The following MKKS variants were observed in gnomAD, a reference collection of about 807,000 sequenced individuals.
MKKS encodes the protein MKKS centrosomal shuttling protein.
A neutral mutation model predicts 33.2 loss-of-function variants in MKKS; 29 were observed. The ratio of observed to expected loss-of-function variants is 0.87; its 90% CI spans 0.65 to 1.19. MKKS has a LOEUF of 1.19. Among genes scored for constraint, MKKS ranks in the 50% most tolerant of loss-of-function variants. The pLI, the probability that MKKS is intolerant of heterozygous loss-of-function variation, is 0.00. For missense variants in MKKS, 661 were observed against 662.3 expected (o/e 1.00, Z 0.02); for synonymous variants, 260 against 244.0 (o/e 1.07, Z -0.61).
rs1199827247 is a variant in MKKS at position 10,420,642 on chromosome 20, G to A, written c.-532C>T. The A allele has an allele frequency of 6.6e-6, 1 of 152,144 alleles. No homozygotes were observed. The highest frequency in any genetic ancestry group is 2.1e-4 in the South Asian group (1 of 4,834). 9.4% of individuals were successfully genotyped at this position (152,144 alleles called of 1,614,324 possible). A position where few individuals can be genotyped will look rare whatever the true frequency, so the allele number is the denominator to read the frequency against. ...TTTTAGGTATTTGGAAAACAGGGCT[G>A]CTTTTGATTCTGTACCACCCCAAAT... On this transcript the variant is annotated 5_prime_UTR_variant, in exon 2 of 6. It introduces an in-frame stop codon into an upstream open reading frame of the 5' UTR. Coordinates refer to ENST00000347364, the MANE Select transcript of MKKS (RefSeq NM_170784.3).
intron 1 of MKKS, among the ~76,000 whole-genome samples, chr20:10,423,006 C>T (rs1024624132): frequency 2.6e-5 from 4 of 152,194 alleles, no homozygotes; most frequent in East Asian, 1.9e-4. Flanking sequence ...CCACTGCGCC[C>T]GGCCCTTCAA....
chr20:10,407,598 G>C lies in MKKS; in HGVS notation c.1272+18C>G. ...TTGCTGAGAATTCAGGTAATCCGAA[G>C]AGGATTATCTTACATACCTTGTGTC... is the stretch of plus-strand genomic sequence containing the variant. On this transcript the variant is annotated intron_variant, in intron 5 of 5. Coordinates refer to ENST00000347364, the MANE Select transcript of MKKS (RefSeq NM_170784.3). 1 of 1,590,570 alleles carries C rather than the reference G, an allele frequency of 6.3e-7. No individual in the cohort carries two copies. The highest frequency in any genetic ancestry group is 1.1e-5 in the South Asian group (1 of 90,396).
chr20:10,430,113 G>C (rs2065044409), intron 1 of MKKS, among the ~76,000 whole-genome samples: 1 of 152,188 alleles, frequency 6.6e-6, no homozygotes, highest in Admixed American at 6.5e-5. Flanking sequence ...TTTTTGACTA[G>C]AGTGAAATCT....
At chr20:10,433,362 A>G (rs974691226) in intron 1 of MKKS, among the ~76,000 whole-genome samples, 2 of 152,236 alleles carry the variant, frequency 1.3e-5, no homozygotes, top group African/African-American at 4.8e-5. Context: ...ACTCATGGAT[A>G]GGGAGCGTAT....
chr20:10,410,776 G>GAGAT (rs149605072), intron 3 of MKKS, among the ~76,000 whole-genome samples: 2,037 of 152,222 alleles, frequency 0.013, 46 homozygotes, highest in African/African-American at 0.046. Flanking sequence ...ATTACCAGGG[G>GAGAT]AGATAGGTAA....
rs183175503 is a variant in MKKS at position 10,412,618 on chromosome 20, T to C, written c.897A>G (p.Pro299=). The stretch of plus-strand genomic sequence containing the variant: ...GCATATTGAGAAACTGCTTCAAAGA[T>C]GGATGTATAACTTTTTGGCACAGGA... ...DLVLCQKVIH[P]SLKQFLNMHR... Residue 299 remains proline (P), a synonymous_variant, in exon 3 of 6, where the codon CCA becomes CCG. Transcript: ENST00000347364. 2 of 1,614,150 alleles carry C rather than the reference T, an allele frequency of 1.2e-6. No homozygotes were observed. The highest frequency in any genetic ancestry group is 1.1e-5 in the South Asian group (1 of 91,088).
intron 2 of MKKS, among the ~76,000 whole-genome samples, chr20:10,416,870 T>C (rs560542732): frequency 1.3e-5 from 2 of 152,320 alleles, no homozygotes; most frequent in Admixed American, 1.3e-4. Context: ...TGCTCATTAA[T>C]TTGTGTACTG....
rs1382432529 is a variant in MKKS at position 10,412,539 on chromosome 20, T to C, written c.976A>G (p.Lys326Glu). Residue 326 changes from lysine (K) to glutamate (E), a missense_variant, in exon 3 of 6, where the codon AAA (lysine) becomes GAA (glutamate). Physicochemically the swap from Lys to Glu is moderately conservative, Grantham distance 56. Coordinates refer to ENST00000347364, the MANE Select transcript of MKKS (RefSeq NM_170784.3). ...IGVTLMEPLT[K>E]MTGTQPIGSL... Reference sequence around the variant, plus strand: ...AAAGAGTGATTTTTACCTGTCATTTTAGTCAGGGGTTCCATCAGAGTCACT... The same window carrying C: ...AAAGAGTGATTTTTACCTGTCATTTCAGTCAGGGGTTCCATCAGAGTCACT... 6.2e-7 allele frequency: 1 copy of C among 1,613,822 alleles called. No individual in the cohort carries two copies. The highest frequency in any genetic ancestry group is 1.1e-5 in the South Asian group (1 of 91,082).
chr20:10,433,189 A>G (rs1165411015), intron 1 of MKKS, among the ~76,000 whole-genome samples: 8 of 152,206 alleles, frequency 5.3e-5, no homozygotes, highest in African/African-American at 1.9e-4. Context: ...TACTTTTAGC[A>G]GAGACCGGGT....
chr20:10,406,639 T>C (rs1213018142), intron 5 of MKKS, among the ~76,000 whole-genome samples: 1 of 152,240 alleles, frequency 6.6e-6, no homozygotes, highest in Non-Finnish European at 1.5e-5. Flanking sequence ...CATGTCTGTA[T>C]TAGCAAACTA....
intron 2 of MKKS, among the ~76,000 whole-genome samples, 157 bp downstream of exon 2, chr20:10,420,371 A>C (rs977178555): frequency 6.6e-6 from 1 of 152,208 alleles, no homozygotes; most frequent in Non-Finnish European, 1.5e-5. Context: ...GAACTTTTCT[A>C]GAAACAACTG....
chr20:10,407,505 A>G (rs1458367002), intron 5 of MKKS, 111 bp downstream of exon 5: 11 of 949,008 alleles, frequency 1.2e-5, no homozygotes, highest in Admixed American at 6.0e-5. Flanking sequence ...CCCTGAACCT[A>G]AAAGTTAAAA....
At chr20:10,431,916 T>C (rs2065056438) in intron 1 of MKKS, 1 of 148,138 alleles carries the variant, frequency 6.8e-6, no homozygotes, top group South Asian at 2.1e-4. Context: ...ACCTAAAGTG[T>C]TTTCCCTCTC....
intron 3 of MKKS, among the ~76,000 whole-genome samples, chr20:10,410,124 A>G (rs556388337): frequency 6.6e-6 from 1 of 152,244 alleles, no homozygotes; most frequent in African/African-American, 2.4e-5. Flanking sequence ...AATACTTTAA[A>G]AAAGTGATCT....
At chr20:10,422,757 G>T (rs141703912) in intron 1 of MKKS, among the ~76,000 whole-genome samples, 79 of 149,338 alleles carry the variant, frequency 5.3e-4, no homozygotes, top group African/African-American at 1.8e-3. Context: ...TGTCACCCAA[G>T]CTGTAGTGCA....
At chr20:10,432,100 G>A (rs1438496848) in intron 1 of MKKS, among the ~76,000 whole-genome samples, 1 of 152,198 alleles carries the variant, frequency 6.6e-6, no homozygotes, top group African/African-American at 2.4e-5. Context: ...TGGCTGAAGA[G>A]AGTTGAAGTT....
chr20:10,422,293 C>G (rs2122260615), intron 1 of MKKS, among the ~76,000 whole-genome samples: 1 of 152,082 alleles, frequency 6.6e-6, no homozygotes, highest in South Asian at 2.1e-4. Context: ...ATGGCCTTTT[C>G]CTTTTCTAAC....
intron 4 of MKKS, among the ~76,000 whole-genome samples, chr20:10,408,123 T>A (rs1172458661): frequency 6.6e-6 from 1 of 152,186 alleles, no homozygotes; most frequent in African/African-American, 2.4e-5. Flanking sequence ...ATCCCAGCAA[T>A]AATAAATAAA....
At chr20:10,417,242 T>C (rs932346595) in intron 2 of MKKS, among the ~76,000 whole-genome samples, 2 of 29,504 alleles carry the variant, frequency 6.8e-5, no homozygotes, top group African/African-American at 1.0e-4. Flanking sequence ...TGAGACTCCA[T>C]CTTAAAAAAA....
Sources: allele counts gnomAD v4.1 joint callset (sites outside exome capture counted in the v4.1 genomes callset), GRCh38; gene constraint gnomAD v4.1.1; transcripts MANE v1.5; gene names NCBI Gene and HGNC (gene_info 2026-07-23, HGNC 2026-07-21).